PLAU: variants seen among roughly 807,000 people sequenced by gnomAD.
The protein encoded by PLAU is plasminogen activator, urokinase.
Under a neutral mutation model 48.9 loss-of-function variants are expected in PLAU, and 32 were observed. The ratio of observed to expected loss-of-function variants is 0.65; its 90% CI spans 0.49 to 0.88. The LOEUF (loss-of-function observed/expected upper bound fraction) is 0.88. PLAU is among the 40% of genes least tolerant of loss of function. PLAU has a pLI of 0.00. For missense variants in PLAU, 455 were observed against 545.2 expected (o/e 0.83, Z 1.65); for synonymous variants, 199 against 205.7 (o/e 0.97, Z 0.28).
rs758393377 is a variant in PLAU, at chr10:73,911,716, A to G, written c.57+104A>G. On this transcript the variant is annotated intron_variant, in intron 2 of 10. Coordinates refer to ENST00000372764, the MANE Select transcript of PLAU (RefSeq NM_002658.6). ...AGCTGGGGTCCTCCGGATTCCATCC[A>G]CAGCAGGGCCAGACTCTCCCCAGGA... The G allele has an allele frequency of 1.9e-6, 3 of 1,563,864 alleles. No homozygotes were observed. The South Asian group carries it at 3.5e-5, about 18-fold the overall frequency.
At position 73,915,307 on chromosome 10, in the gene PLAU, C is replaced by T. The variant is rs777446241; in HGVS notation, c.1027C>T (p.Arg343Trp). 1.8e-5 allele frequency: 29 copies of T among 1,613,796 alleles called. No individual in the cohort carries two copies. Among genetic ancestry groups the T allele is most frequent in the East Asian group, 4.5e-5 (2 of 44,870 alleles). Residue 343 changes from arginine (R) to tryptophan (W), a missense_variant, in exon 10 of 11, where the codon CGG becomes TGG. Physicochemically the swap from Arg to Trp is moderately radical, Grantham distance 101. Transcript: ENST00000372764. Reference sequence around the variant, plus strand: ...GACTGTTGTGAAGCTGATTTCCCACCGGGAGTGTCAGCAGCCCCACTACTA... The same window carrying T: ...GACTGTTGTGAAGCTGATTTCCCACTGGGAGTGTCAGCAGCCCCACTACTA... ...KMTVVKLISH[R>W]ECQQPHYYGS...
At chr10:73,911,761 G>A in intron 2 of PLAU, 149 bp downstream of exon 2, 1 of 1,552,292 alleles carries the variant, frequency 6.4e-7, no homozygotes, top group East Asian at 2.4e-5. Flanking sequence ...GGGTGGCAGC[G>A]GAGGCTTGAG....
intron 7 of PLAU, 95 bp downstream of exon 7, chr10:73,913,853 T>C: frequency 1.5e-6 from 2 of 1,372,104 alleles, no homozygotes; most frequent in South Asian, 1.3e-5. Context: ...CATTTCTCCC[T>C]CATCTGCCCC....
At position 73,916,243 on chromosome 10, in the gene PLAU, C is replaced by A. The variant is rs144008112; in HGVS notation, c.1120-146C>A. On this transcript the variant is annotated intron_variant, in intron 10 of 10. Transcript: ENST00000372764. ...GGGCGACAGAGCGAGATTCTGTCCT[C>A]CCCCCGAAAAAAAGAAAGAAAATGG... The A allele has an allele frequency of 7.4e-4, 536 of 720,912 alleles. 3 individuals carry two copies. The African/African-American group carries it at 8.0e-3, about 11-fold the overall frequency. The allele number at this position is 720,912 out of a possible 1,614,324, so 44.7% of individuals were successfully genotyped here.
chr10:73,911,271 C>T, intron 1 of PLAU, 53 bp downstream of exon 1: 1 of 509,006 alleles, frequency 2.0e-6, no homozygotes. Context: ...GGCCCCAGCT[C>T]CCGAGCGTCT....
chr10:73,914,703 C>A, intron 8 of PLAU, 73 bp from the exon 9 acceptor site: 1 of 1,459,992 alleles, frequency 6.8e-7, no homozygotes, highest in Non-Finnish European at 9.3e-7. Context: ...ACTTCCTCGG[C>A]ACTTGGAGGG....
At position 73,914,049 on chromosome 10, in the gene PLAU, G is replaced by A. The variant is rs886047207; in HGVS notation, c.750G>A (p.Gly250=). The change falls in exon 8 of 11, where the codon GGG becomes GGA. Residue 250 remains glycine, a synonymous_variant. Transcript: ENST00000372764. ...GRSRLNSNTQ[G]EMKFEVENLI... ...CAAGGCTTAACTCCAACACGCAAGGGGAGATGAAGTTTGAGGTGGAAAACC... is the reference window on the plus strand; with the variant it reads ...CAAGGCTTAACTCCAACACGCAAGGAGAGATGAAGTTTGAGGTGGAAAACC... 6.2e-7 allele frequency: 1 copy of A among 1,613,888 alleles called. No individual in the cohort carries two copies. The highest frequency in any genetic ancestry group is 8.5e-7 in the Non-Finnish European group (1 of 1,179,716).
At position 73,913,025 on chromosome 10, in the gene PLAU, G is replaced by A; in HGVS notation, c.295G>A (p.Val99Ile). 1 of 1,614,158 alleles carries A rather than the reference G, an allele frequency of 6.2e-7. No individual in the cohort carries two copies. The highest frequency in any genetic ancestry group is 1.1e-5 in the South Asian group (1 of 91,088). ...RPCLPWNSAT[V>I]LQQTYHAHRS... ...CTGCCTGCCCTGGAACTCTGCCACT[G>A]TCCTTCAGCAAACGTACCATGCCCA... The change falls in exon 5 of 11, where the codon GTC (valine) becomes ATC (isoleucine). Residue 99 changes from valine to isoleucine, a missense_variant. Physicochemically the swap from Val to Ile is conservative, Grantham distance 29. Coordinates refer to ENST00000372764, the MANE Select transcript of PLAU (RefSeq NM_002658.6).
rs368655748 is a variant in PLAU at position 73,914,145 on chromosome 10, C to T, written c.829+17C>T. ...ACGACATTGGTGAGGGGGAACCCCG[C>T]GACTACTGTGGCCATAATGGCTTGG... On this transcript the variant is annotated intron_variant, in intron 8 of 10. Coordinates refer to ENST00000372764, the MANE Select transcript of PLAU (RefSeq NM_002658.6). 4.3e-4 allele frequency: 689 copies of T among 1,613,046 alleles called. 4 individuals carry two copies. In the South Asian group the frequency reaches 6.7e-3, roughly 16 times the overall value.
chr10:73,909,620 C>T (rs1268473937), upstream of PLAU, among the ~76,000 whole-genome samples: 3 of 152,212 alleles, frequency 2.0e-5, no homozygotes, highest in African/African-American at 7.2e-5. Context: ...CTTCCTGGCA[C>T]TCTCCCTGCC....
chr10:73,915,423 C>A, intron 10 of PLAU, 24 bp downstream of exon 10: 1 of 1,577,144 alleles, frequency 6.3e-7, no homozygotes. Flanking sequence ...GCATCTCTCT[C>A]CACCTCTTCC....
chr10:73,909,006 T>C (rs2131709577), upstream of PLAU, among the ~76,000 whole-genome samples: 16 of 150,498 alleles, frequency 1.1e-4, no homozygotes, highest in Admixed American at 8.6e-4. Context: ...GCACAAAGAT[T>C]TCAGAGAGTG....
intron 8 of PLAU, 89 bp downstream of exon 8, chr10:73,914,217 C>G (rs78074294): frequency 7.1e-7 from 1 of 1,406,074 alleles, no homozygotes; most frequent in Non-Finnish European, 9.9e-7. Context: ...TGAAGCTGCC[C>G]GGTGGGGCAG....
intron 2 of PLAU, 108 bp from the exon 3 acceptor site, chr10:73,911,933 G>T: frequency 6.2e-7 from 1 of 1,608,760 alleles, no homozygotes; most frequent in Non-Finnish European, 8.5e-7. Context: ...AGGGTGAGGC[G>T]AGAGGGAGAG....
chr10:73,911,234 C>T lies in PLAU; in HGVS notation c.-32+16C>T, dbSNP rs923164360. ...GCAGCCACCGGTGAGTGCCGCGGTC[C>T]TGAGATCCCCGGGCCGGATGCGCGG... is the stretch of plus-strand genomic sequence containing the variant. On this transcript the variant is annotated intron_variant, in intron 1 of 10. Coordinates refer to ENST00000372764, the MANE Select transcript of PLAU (RefSeq NM_002658.6). 31 of 427,768 alleles carry T rather than the reference C, an allele frequency of 7.2e-5. No individual in the cohort carries two copies. Among genetic ancestry groups the T allele is most frequent in the Non-Finnish European group, 9.2e-5 (22 of 238,574 alleles). 26.5% of individuals were successfully genotyped at this position (427,768 alleles called of 1,614,324 possible). A position where few individuals can be genotyped will look rare whatever the true frequency, so the allele number is the denominator to read the frequency against.
chr10:73,912,636 AG>A (rs1220517089), intron 4 of PLAU, among the ~76,000 whole-genome samples: 2 of 152,084 alleles, frequency 1.3e-5, no homozygotes, highest in African/African-American at 4.8e-5. Context: ...GGATCATTTG[AG>A]GTCAGGAGTT....
Position 73,913,272 on chromosome 10 carries a change from A to G in PLAU, c.369-18A>G, listed in dbSNP as rs958205350. 1 of 1,613,530 alleles carries G rather than the reference A, an allele frequency of 6.2e-7. No homozygotes were observed. Among genetic ancestry groups the G allele is most frequent in the Admixed American group, 1.7e-5 (1 of 60,016 alleles). On this transcript the variant is annotated intron_variant, in intron 5 of 10. Coordinates refer to ENST00000372764, the MANE Select transcript of PLAU (RefSeq NM_002658.6). ...CCTCTGGGTTGGAATGACATCCCCT[A>G]TCTTTCTGTGTTGCCAGGAACCCAG...
intron 6 of PLAU, 53 bp downstream of exon 6, chr10:73,913,434 A>C (rs1013663693): frequency 2.7e-5 from 41 of 1,543,672 alleles, no homozygotes; most frequent in Non-Finnish European, 3.7e-5. Context: ...ACAAACTTAC[A>C]TGTCCCCTTA....
chr10:73,914,137 G>A lies in PLAU; in HGVS notation c.829+9G>A. 6.2e-7 allele frequency: 1 copy of A among 1,613,654 alleles called. No homozygotes were observed. The highest frequency in any genetic ancestry group is 1.7e-5 in the Admixed American group (1 of 60,024). On this transcript the variant is annotated intron_variant, in intron 8 of 10. Coordinates refer to ENST00000372764, the MANE Select transcript of PLAU (RefSeq NM_002658.6). ...TCACCACAACGACATTGGTGAGGGGGAACCCCGCGACTACTGTGGCCATAA... is the reference window on the plus strand; with the variant it reads ...TCACCACAACGACATTGGTGAGGGGAAACCCCGCGACTACTGTGGCCATAA...
Sources: gnomAD v4.1 joint callset for allele counts (sites outside exome capture counted in the v4.1 genomes callset) on GRCh38, gnomAD v4.1.1 for gene constraint, MANE v1.5 for transcripts, NCBI Gene and HGNC (gene_info 2026-07-23, HGNC 2026-07-21) for gene names.